ITFG1: variants seen among roughly 807,000 people sequenced by gnomAD.
ITFG1 encodes integrin alpha FG-GAP repeat containing 1.
Under a neutral mutation model 81.8 loss-of-function variants are expected in ITFG1, and 34 were observed. The ratio of observed to expected loss-of-function variants is 0.42; its 90% CI spans 0.32 to 0.55. The LOEUF (loss-of-function observed/expected upper bound fraction) is 0.55. ITFG1 is among the 20% of genes least tolerant of loss of function. The pLI is 0.17. For synonymous variants in ITFG1, 285 were observed against 270.6 expected, an observed-to-expected ratio of 1.05 and a Z score of -0.52; for missense variants, 672 against 755.4, an observed-to-expected ratio of 0.89 and a Z score of 1.29.
intron 6 of ITFG1, among the ~76,000 whole-genome samples, chr16:47,376,260 C>G (rs1343717818): frequency 1.3e-5 from 2 of 151,914 alleles, no homozygotes; most frequent in African/African-American, 4.8e-5. Flanking sequence ...TTTTTTAAAA[C>G]AGATATTCTG....
intron 5 of ITFG1, among the ~76,000 whole-genome samples, chr16:47,432,888 G>A (rs1368503278): frequency 6.6e-6 from 1 of 152,010 alleles, no homozygotes; most frequent in Non-Finnish European, 1.5e-5. Flanking sequence ...AATCAGACTT[G>A]GGTTAAAGAT....
At chr16:47,361,790 T>G (rs1467873789) in intron 8 of ITFG1, among the ~76,000 whole-genome samples, 2 of 152,196 alleles carry the variant, frequency 1.3e-5, no homozygotes, top group South Asian at 4.1e-4. Flanking sequence ...TTCTTTTGCA[T>G]TATATTTTAG....
chr16:47,181,481 C>T (rs1242222675), intron 14 of ITFG1, among the ~76,000 whole-genome samples: 6 of 145,096 alleles, frequency 4.1e-5, no homozygotes, highest in South Asian at 2.2e-4. Context: ...CCCGGCCAGC[C>T]GCCCCGTCCG....
At chr16:47,412,437 C>T (rs1396906966) in intron 6 of ITFG1, among the ~76,000 whole-genome samples, 1 of 152,042 alleles carries the variant, frequency 6.6e-6, no homozygotes, top group East Asian at 1.9e-4. Flanking sequence ...AAAAAATTCA[C>T]TACAAAGGCT....
At chr16:47,171,419 C>T (rs1164527350) in intron 14 of ITFG1, among the ~76,000 whole-genome samples, 2 of 151,992 alleles carry the variant, frequency 1.3e-5, no homozygotes, top group South Asian at 2.1e-4. Flanking sequence ...AGTTATTTGC[C>T]TTTTCCCTTT....
chr16:47,461,167 C>T (rs571078780), upstream of ITFG1: 33 of 1,072,390 alleles, frequency 3.1e-5, no homozygotes, highest in African/African-American at 4.7e-4. Flanking sequence ...GCTGCCGGCT[C>T]CTTTTTCTCT....
At chr16:47,308,078 T>G (rs2151562992) in intron 10 of ITFG1, among the ~76,000 whole-genome samples, 1 of 152,344 alleles carries the variant, frequency 6.6e-6, no homozygotes, top group South Asian at 2.1e-4. Context: ...TCCATATCTC[T>G]GCTATTGTGA....
intron 8 of ITFG1, among the ~76,000 whole-genome samples, chr16:47,362,888 CTTAT>C (rs199766083): frequency 7.9e-5 from 12 of 151,692 alleles, no homozygotes; most frequent in Middle Eastern, 3.4e-3. Context: ...TTCTTTCTTT[CTTAT>C]TTATTTATTT....
chr16:47,437,854 G>A (rs915661559), intron 5 of ITFG1, among the ~76,000 whole-genome samples: 4 of 152,182 alleles, frequency 2.6e-5, no homozygotes, highest in Admixed American at 6.5e-5. Flanking sequence ...TGGGTGCAGC[G>A]CACCGTGTGT....
intron 10 of ITFG1, among the ~76,000 whole-genome samples, chr16:47,291,470 A>C (rs1966904636): frequency 6.6e-6 from 1 of 152,134 alleles, no homozygotes; most frequent in South Asian, 2.1e-4. Flanking sequence ...TCCTGAATTG[A>C]AACGTCCATC....
intron 8 of ITFG1, among the ~76,000 whole-genome samples, chr16:47,349,770 C>T (rs112243521): frequency 2.0e-5 from 3 of 152,164 alleles, no homozygotes; most frequent in Admixed American, 2.0e-4. Flanking sequence ...CTTCTCAGCA[C>T]CACACCACAC....
At chr16:47,201,337 T>C (rs568114568) in intron 14 of ITFG1, among the ~76,000 whole-genome samples, 1 of 151,514 alleles carries the variant, frequency 6.6e-6, no homozygotes, top group East Asian at 1.9e-4. Context: ...GCCTCCCAAG[T>C]AGCTGGGACT....
intron 5 of ITFG1, among the ~76,000 whole-genome samples, chr16:47,432,078 G>A (rs534576648): frequency 6.6e-6 from 1 of 152,142 alleles, no homozygotes; most frequent in Non-Finnish European, 1.5e-5. Context: ...CAGAAACCTT[G>A]ACTCATCAAT....
intron 6 of ITFG1, among the ~76,000 whole-genome samples, chr16:47,420,495 C>G (rs1424825112): frequency 6.6e-6 from 1 of 152,166 alleles, no homozygotes; most frequent in East Asian, 1.9e-4. Context: ...AGCACGTTGA[C>G]ATCTGATTCA....
rs536886751 is a variant in ITFG1 at position 47,364,029 on chromosome 16, G to A, written c.802+1759C>T. On this transcript the variant is annotated intron_variant, in intron 8 of 17. Coordinates refer to ENST00000320640, the MANE Select transcript of ITFG1 (RefSeq NM_030790.5). The stretch of plus-strand genomic sequence containing the variant: ...GGAAGTAGGTGGAAAGGAAGATGGA[G>A]GGCTGGATGCAATTCACAAATATAT... Among the ~76,000 whole-genome samples, 9 of 152,222 alleles carry A rather than the reference G, an allele frequency of 5.9e-5. No homozygotes were observed. In the South Asian group the frequency reaches 6.2e-4, roughly 11 times the overall value.
At chr16:47,258,530 T>C in intron 12 of ITFG1, 102 bp downstream of exon 12, 1 of 636,842 alleles carries the variant, frequency 1.6e-6, no homozygotes, top group Admixed American at 3.2e-5. Flanking sequence ...CTGGTTGATC[T>C]GATCTAGAGG....
At chr16:47,415,524 A>C (rs114125559) in intron 6 of ITFG1, among the ~76,000 whole-genome samples, 3,098 of 152,342 alleles carry the variant, frequency 0.02, 106 homozygotes, top group African/African-American at 0.07. Flanking sequence ...CTTGGTTGTC[A>C]GAATAACAGA....
At chr16:47,287,451 AG>A (rs1189182990) in intron 10 of ITFG1, among the ~76,000 whole-genome samples, 1 of 152,076 alleles carries the variant, frequency 6.6e-6, no homozygotes, top group East Asian at 1.9e-4. Context: ...CCCAGGCAGG[AG>A]TGCAGTGGCA....
chr16:47,255,602 A>T (rs956391458), intron 12 of ITFG1, among the ~76,000 whole-genome samples: 2 of 152,232 alleles, frequency 1.3e-5, no homozygotes, highest in African/African-American at 2.4e-5. Flanking sequence ...CTAGAGAAGA[A>T]GGGAACACTG....
Sources: gnomAD v4.1 joint callset for allele counts (sites outside exome capture counted in the v4.1 genomes callset) on GRCh38, gnomAD v4.1.1 for gene constraint, MANE v1.5 for transcripts, NCBI Gene and HGNC (gene_info 2026-07-23, HGNC 2026-07-21) for gene names.